ADAMTS7: variants seen among roughly 807,000 people sequenced by gnomAD.
ADAMTS7 encodes the protein ADAM metallopeptidase with thrombospondin type 1 motif 7.
In ADAMTS7, 89 loss-of-function variants were observed where a neutral mutation model predicts 172.6. The observed-to-expected ratio is 0.52, with a 90% CI of 0.43 to 0.61. ADAMTS7 has a LOEUF of 0.61. Among genes scored for constraint, ADAMTS7 ranks in the 20% least tolerant of loss-of-function variants. The probability of loss-of-function intolerance (pLI) is 0.00; values close to 1 mark genes in which losing one functional copy is unlikely to be tolerated. For missense variants in ADAMTS7, 1,973 were observed against 2,355.6 expected (o/e 0.84, Z 3.36); for synonymous variants, 885 against 978.4 (o/e 0.90, Z 1.78).
chr15:78,786,575 C>T (rs1249819199), intron 8 of ADAMTS7, among the ~76,000 whole-genome samples: 2 of 152,174 alleles, frequency 1.3e-5, no homozygotes, highest in Admixed American at 6.5e-5. Flanking sequence ...ATTAGCCAAT[C>T]GCTATGCAGA....
In ADAMTS7 at chr15:78,783,457, T is replaced by C. The variant is rs561980509; in HGVS notation, c.1322+4774A>G. Reference sequence around the variant, plus strand: ...GCTAATTTTTTGTATTTTTTTTTTTTAGTAGAGACAGGGTTTCACCATGTT... The same window carrying C: ...GCTAATTTTTTGTATTTTTTTTTTTCAGTAGAGACAGGGTTTCACCATGTT... On this transcript the variant is annotated intron_variant, in intron 8 of 23. Coordinates refer to ENST00000388820, the MANE Select transcript of ADAMTS7 (RefSeq NM_014272.5). 1.0e-4 allele frequency among the ~76,000 whole-genome samples: 15 copies of C among 149,038 alleles called. 1 individual carries two copies. In the South Asian group the frequency reaches 3.0e-3, roughly 30 times the overall value.
chr15:78,806,125 CACAAAAAAAAAAA>C (rs2055790839), intron 1 of ADAMTS7, among the ~76,000 whole-genome samples: 1 of 18,376 alleles, frequency 5.4e-5, no homozygotes, highest in African/African-American at 1.6e-4. Flanking sequence ...CACACACACA[CACAAAAAAAAAAA>C]AAAAAAAAAA....
At chr15:78,776,453 G>A (rs564723608) in intron 10 of ADAMTS7, 120 bp from the exon 11 acceptor site, 376 of 1,386,894 alleles carry the variant, frequency 2.7e-4, no homozygotes, top group Non-Finnish European at 1.8e-4. Flanking sequence ...GATGGAAGGT[G>A]AGAGAGGCAC....
chr15:78,776,617 G>C, intron 10 of ADAMTS7, 132 bp downstream of exon 10: 2 of 1,007,036 alleles, frequency 2.0e-6, no homozygotes, highest in South Asian at 1.6e-5. Context: ...ATGGGGGCTT[G>C]GGCTGCAGAG....
intron 4 of ADAMTS7, among the ~76,000 whole-genome samples, chr15:78,795,482 C>T (rs1308896047): frequency 6.6e-6 from 1 of 152,186 alleles, no homozygotes; most frequent in Non-Finnish European, 1.5e-5. Context: ...CTGGATGCAG[C>T]CCCTTCCTCT....
intron 8 of ADAMTS7, among the ~76,000 whole-genome samples, chr15:78,782,495 A>C (rs1333266826): frequency 6.6e-6 from 1 of 151,510 alleles, no homozygotes; most frequent in Non-Finnish European, 1.5e-5. Flanking sequence ...TTCTAGAAAA[A>C]TATGGCATGT....
chr15:78,768,236 A>C lies in ADAMTS7; in HGVS notation c.2542T>G (p.Cys848Gly), dbSNP rs1198750953. 1 of 1,610,870 alleles carries C rather than the reference A, an allele frequency of 6.2e-7. No homozygotes were observed. Among genetic ancestry groups the C allele is most frequent in the Admixed American group, 1.7e-5 (1 of 59,964 alleles). The change falls in exon 17 of 24, where the codon TGC (cysteine) becomes GGC (glycine). Residue 848 changes from cysteine (C) to glycine (G), a missense_variant. By Grantham distance (159) the Cys-to-Gly change is radical. Around this residue, in one of 8 missense-constraint regions of ADAMTS7, gnomAD observed 771 missense variants for 952.6 expected, o/e 0.81. Coordinates refer to ENST00000388820, the MANE Select transcript of ADAMTS7 (RefSeq NM_014272.5). ...GRGVQRQNVY[C>G]LERQAGPVDE... ...ACGGGCCCTGCCTGCCGCTCCAAGC[A>C]GTACACATTCTGCCTCTGCACACCT... is the stretch of plus-strand genomic sequence containing the variant.
chr15:78,794,476 T>C (rs569529932), intron 4 of ADAMTS7, among the ~76,000 whole-genome samples: 3 of 152,220 alleles, frequency 2.0e-5, no homozygotes, highest in Non-Finnish European at 4.4e-5. Context: ...GGTGCCCCCA[T>C]CCTGTCCTGA....
At chr15:78,808,831 C>CA (rs2055829975) in intron 1 of ADAMTS7, among the ~76,000 whole-genome samples, 1 of 152,238 alleles carries the variant, frequency 6.6e-6, no homozygotes, top group Non-Finnish European at 1.5e-5. Flanking sequence ...CAAATCTATT[C>CA]TGCCAAGTCA....
At chr15:78,791,964 A>C (rs1308018119) in intron 4 of ADAMTS7, among the ~76,000 whole-genome samples, 3 of 77,222 alleles carry the variant, frequency 3.9e-5, no homozygotes, top group African/African-American at 6.4e-5. Flanking sequence ...AAACTCCCTC[A>C]GAACAAAAAA....
intron 17 of ADAMTS7, 70 bp from the exon 18 acceptor site, chr15:78,767,662 G>C (rs573004120): frequency 2.5e-5 from 35 of 1,397,562 alleles, no homozygotes; most frequent in Middle Eastern, 2.6e-4. Flanking sequence ...CAGCAGGGGG[G>C]GCCAGGCTGG....
intron 8 of ADAMTS7, among the ~76,000 whole-genome samples, chr15:78,786,619 G>A (rs1042832115): frequency 2.6e-5 from 4 of 152,170 alleles, no homozygotes; most frequent in African/African-American, 7.2e-5. Flanking sequence ...GAACCCCACA[G>A]TTCCTTCTCC....
In ADAMTS7 at chr15:78,796,756, C is replaced by T. The variant is rs139009913; in HGVS notation, c.653G>A (p.Arg218His). The part of the protein sequence containing the change: ...VYPELESRRE[R>H]WEQRQQWRRP... ...CCGCCACTGCTGCCGCTGCTCCCAA[C>T]GCTCCCGTCGAGACTCCAGCTCTGG... Residue 218 changes from arginine to histidine, a missense_variant, in exon 4 of 24, where the codon CGT (arginine) becomes CAT (histidine). Around this residue, in one of 8 missense-constraint regions of ADAMTS7, gnomAD observed 526 missense variants for 662.9 expected, o/e 0.79. Coordinates refer to ENST00000388820, the MANE Select transcript of ADAMTS7 (RefSeq NM_014272.5). 448 of 1,611,878 alleles carry T rather than the reference C, an allele frequency of 2.8e-4. 1 individual carries two copies. The Middle Eastern group carries it at 8.8e-3, about 32-fold the overall frequency.
intron 17 of ADAMTS7, 142 bp from the exon 18 acceptor site, chr15:78,767,734 G>T: frequency 1.3e-6 from 1 of 786,002 alleles, no homozygotes. Flanking sequence ...ATTCTCCAGA[G>T]CTCCAAGCTC....
chr15:78,798,731 A>G (rs1567238894), intron 2 of ADAMTS7, among the ~76,000 whole-genome samples: 1 of 152,182 alleles, frequency 6.6e-6, no homozygotes, highest in Non-Finnish European at 1.5e-5. Flanking sequence ...TTCAGAGTCC[A>G]GGGAGGGGAG....
At position 78,766,949 on chromosome 15, in the gene ADAMTS7, T is replaced by C. The variant is rs770897039; in HGVS notation, c.2962A>G (p.Thr988Ala). The stretch of plus-strand genomic sequence containing the variant: ...CACCGACAGAGTGGCAGAGAGCAGG[T>C]GACTTCGCTGGCTGGCTGCTGGGCC... ...DEAQQPASEV[T>A]CSLPLCRWPL... The change falls in exon 19 of 24, where the codon ACC becomes GCC. Residue 988 changes from threonine to alanine, a missense_variant. Physicochemically the swap from Thr to Ala is moderately conservative, Grantham distance 58. Transcript: ENST00000388820. 9.3e-6 allele frequency: 15 copies of C among 1,610,422 alleles called. No individual in the cohort carries two copies. Among genetic ancestry groups the C allele is most frequent in the Non-Finnish European group, 1.1e-5 (13 of 1,179,442 alleles).
At chr15:78,796,835 G>A (rs2055652424) in intron 3 of ADAMTS7, 49 bp from the exon 4 acceptor site, 1 of 1,511,530 alleles carries the variant, frequency 6.6e-7, no homozygotes, top group Non-Finnish European at 8.9e-7. Flanking sequence ...CAGGCCCAGG[G>A]CACACGTCTC....
intron 1 of ADAMTS7, among the ~76,000 whole-genome samples, chr15:78,806,119 CACACACACAAAAAA>C (rs2055788147): frequency 1.1e-4 from 2 of 17,828 alleles, no homozygotes; most frequent in Admixed American, 1.9e-3. Context: ...CACACACACA[CACACACACAAAAAA>C]AAAAAAAAAA....
Position 78,759,248 on chromosome 15 carries a change from G to A in ADAMTS7, c.*173C>T. On this transcript the variant is annotated 3_prime_UTR_variant, in exon 24 of 24. Transcript: ENST00000388820. ...TCATTTATGTAAAATCATAATAAATGTTACACAAACTGTTAGAATAAAAAA... is the reference window on the plus strand; with the variant it reads ...TCATTTATGTAAAATCATAATAAATATTACACAAACTGTTAGAATAAAAAA... The A allele has an allele frequency of 1.8e-6, 1 of 544,420 alleles. No individual in the cohort carries two copies. Among genetic ancestry groups the A allele is most frequent in the Non-Finnish European group, 3.1e-6 (1 of 324,054 alleles). The allele number at this position is 544,420 out of a possible 1,614,324, so 33.7% of individuals were successfully genotyped here.
Sources: gnomAD v4.1 joint callset for allele counts (sites outside exome capture counted in the v4.1 genomes callset) on GRCh38, gnomAD v4.1.1 for gene constraint, gnomAD v4.1.1 regional missense constraint, MANE v1.5 for transcripts, NCBI Gene and HGNC (gene_info 2026-07-23, HGNC 2026-07-21) for gene names.